CNTNAP2: variants seen among roughly 807,000 people sequenced by gnomAD.
The protein encoded by CNTNAP2 is contactin-associated protein-like 2.
A neutral mutation model predicts 155.2 loss-of-function variants in CNTNAP2; 98 were observed. The ratio of observed to expected loss-of-function variants is 0.63; its 90% CI spans 0.54 to 0.75. The LOEUF is 0.75. Among genes scored for constraint, CNTNAP2 ranks in the 30% least tolerant of loss-of-function variants. CNTNAP2 has a pLI of 0.00. For synonymous variants in CNTNAP2, 651 were observed against 631.2 expected (o/e 1.03, Z -0.47); for missense variants, 1,727 against 1,688.1 (o/e 1.02, Z -0.40).
chr7:147,600,659 G>C (rs780721807), intron 12 of CNTNAP2, among the ~76,000 whole-genome samples: 7 of 152,150 alleles, frequency 4.6e-5, no homozygotes, highest in Non-Finnish European at 7.4e-5. Context: ...TTGGTTGTCT[G>C]CCTTTGCTCC....
intron 9 of CNTNAP2, among the ~76,000 whole-genome samples, chr7:147,328,914 CTAGTT>C (rs1210621972): frequency 6.6e-6 from 1 of 152,146 alleles, no homozygotes; most frequent in Non-Finnish European, 1.5e-5. Context: ...CCTTAAAACT[CTAGTT>C]AAGTTAACTA....
chr7:146,576,517 G>T (rs927159591), intron 1 of CNTNAP2, among the ~76,000 whole-genome samples: 5 of 152,206 alleles, frequency 3.3e-5, no homozygotes, highest in East Asian at 1.9e-4. Context: ...TACTTCAGGA[G>T]TCCTCCTCCC....
chr7:147,498,566 T>C (rs1304441155), intron 11 of CNTNAP2, among the ~76,000 whole-genome samples: 3 of 152,228 alleles, frequency 2.0e-5, no homozygotes, highest in African/African-American at 7.2e-5. Flanking sequence ...AAAAATAGTA[T>C]AGAGGAGAAA....
chr7:146,417,559 A>T (rs1199112768), intron 1 of CNTNAP2, among the ~76,000 whole-genome samples: 1 of 152,070 alleles, frequency 6.6e-6, no homozygotes, highest in African/African-American at 2.4e-5. Context: ...TTACCATTGG[A>T]GTTATCTTCT....
chr7:146,662,068 ATG>A (rs1219823511), intron 1 of CNTNAP2, among the ~76,000 whole-genome samples: 3 of 151,186 alleles, frequency 2.0e-5, no homozygotes, highest in African/African-American at 2.4e-5. Context: ...AACATTTTTC[ATG>A]TGTGTGTTTG....
chr7:148,105,646 G>A (rs10265825), intron 15 of CNTNAP2, among the ~76,000 whole-genome samples: 24,740 of 151,464 alleles, frequency 0.16, 5,573 homozygotes, highest in African/African-American at 0.51. Context: ...GGAGCGCAAT[G>A]GCACACTCTT....
intron 16 of CNTNAP2, among the ~76,000 whole-genome samples, chr7:148,138,059 T>C (rs1296540094): frequency 6.6e-6 from 1 of 152,206 alleles, no homozygotes; most frequent in Non-Finnish European, 1.5e-5. Context: ...CTACCTGTGA[T>C]ACAACCTATC....
chr7:147,465,981 A>G (rs1322491545), intron 10 of CNTNAP2, among the ~76,000 whole-genome samples: 1 of 152,252 alleles, frequency 6.6e-6, no homozygotes, highest in Non-Finnish European at 1.5e-5. Flanking sequence ...TATCTACTAT[A>G]GGAGCCAAGG....
At chr7:147,485,748 T>C (rs1798498250) in intron 10 of CNTNAP2, among the ~76,000 whole-genome samples, 187 bp from the exon 11 acceptor site, 2 of 152,202 alleles carry the variant, frequency 1.3e-5, no homozygotes, top group Admixed American at 6.5e-5. Context: ...CGGTGATACA[T>C]CATCTTTGTT....
At chr7:147,001,754 G>C (rs1584776326) in intron 3 of CNTNAP2, among the ~76,000 whole-genome samples, 8 of 151,258 alleles carry the variant, frequency 5.3e-5, no homozygotes. Flanking sequence ...CTGTAACAAA[G>C]CTTGTCAGGT....
chr7:147,033,177 T>TAC (rs1176859976), intron 3 of CNTNAP2, among the ~76,000 whole-genome samples: 35 of 49,974 alleles, frequency 7.0e-4, no homozygotes, highest in Admixed American at 1.2e-3. Flanking sequence ...TATATATATA[T>TAC]ATATATATAT....
intron 3 of CNTNAP2, among the ~76,000 whole-genome samples, chr7:147,008,722 C>T (rs895224851): frequency 2.6e-5 from 4 of 152,036 alleles, no homozygotes; most frequent in African/African-American, 4.8e-5. Context: ...TGAACCTCTG[C>T]GGCCAGCAAA....
At chr7:146,580,094 A>C (rs1413471533) in intron 1 of CNTNAP2, among the ~76,000 whole-genome samples, 1 of 152,174 alleles carries the variant, frequency 6.6e-6, no homozygotes, top group East Asian at 1.9e-4. Flanking sequence ...TTAAAAAGAC[A>C]GCATGACTTT....
At chr7:147,864,147 G>T (rs1170936056) in intron 13 of CNTNAP2, among the ~76,000 whole-genome samples, 2 of 152,044 alleles carry the variant, frequency 1.3e-5, no homozygotes, top group African/African-American at 4.8e-5. Context: ...TCTACATATG[G>T]CTAGCCAGTT....
intron 15 of CNTNAP2, among the ~76,000 whole-genome samples, chr7:148,108,672 G>T (rs1756559919): frequency 1.3e-5 from 2 of 152,182 alleles, no homozygotes; most frequent in African/African-American, 4.8e-5. Context: ...CAGAGAGGAA[G>T]ATGGTGGGTA....
chr7:148,272,974 T>C (rs1796809196), intron 21 of CNTNAP2, among the ~76,000 whole-genome samples: 1 of 152,214 alleles, frequency 6.6e-6, no homozygotes. Flanking sequence ...GGATTAGACT[T>C]AGTTGAGGCT....
chr7:148,254,620 C>CA (rs1159291612), intron 20 of CNTNAP2, among the ~76,000 whole-genome samples: 7 of 151,842 alleles, frequency 4.6e-5, no homozygotes, highest in Non-Finnish European at 8.8e-5. Flanking sequence ...ACTAAAAATA[C>CA]AAAAAATTAG....
chr7:146,587,536 T>A (rs1222690260), intron 1 of CNTNAP2, among the ~76,000 whole-genome samples: 2 of 152,194 alleles, frequency 1.3e-5, no homozygotes, highest in Non-Finnish European at 2.9e-5. Flanking sequence ...TTAGTGTGAT[T>A]TATAAGCACA....
chr7:146,486,318 C>T (rs1199482987), intron 1 of CNTNAP2, among the ~76,000 whole-genome samples: 1 of 152,018 alleles, frequency 6.6e-6, no homozygotes, highest in Non-Finnish European at 1.5e-5. Context: ...CCTGCCTCGG[C>T]CTCCCAAAGT....
Sources: gnomAD v4.1 joint callset for allele counts (sites outside exome capture counted in the v4.1 genomes callset) on GRCh38, gnomAD v4.1.1 for gene constraint, MANE v1.5 for transcripts, NCBI Gene and HGNC (gene_info 2026-07-23, HGNC 2026-07-21) for gene names.